Variants in SNTG1 observed in about 807,000 individuals in gnomAD.
SNTG1 encodes syntrophin gamma 1.
Under a neutral mutation model 74.7 loss-of-function variants are expected in SNTG1, and 39 were observed. The observed-to-expected ratio is 0.52, with a 90% CI of 0.40 to 0.68. SNTG1 has a LOEUF of 0.68. Ranked by LOEUF, SNTG1 falls within the 30% of genes least tolerant of loss-of-function variation. The pLI is 0.00. For synonymous variants in SNTG1, 254 were observed against 217.1 expected, an observed-to-expected ratio of 1.17 and a Z score of -1.49; for missense variants, 685 against 609.5, an observed-to-expected ratio of 1.12 and a Z score of -1.30.
At chr8:50,012,185 C>T (rs1815877101) in intron 1 of SNTG1, among the ~76,000 whole-genome samples, 1 of 152,152 alleles carries the variant, frequency 6.6e-6, no homozygotes, top group Non-Finnish European at 1.5e-5. Flanking sequence ...AGCACTTACA[C>T]CACATGAGCA....
chr8:50,559,636 C>T (rs2094475632), intron 12 of SNTG1, among the ~76,000 whole-genome samples: 1 of 152,042 alleles, frequency 6.6e-6, no homozygotes, highest in South Asian at 2.1e-4. Context: ...AAAGGATTCC[C>T]TATTTAATAA....
intron 17 of SNTG1, among the ~76,000 whole-genome samples, chr8:50,709,868 A>C (rs2095456843): frequency 6.6e-6 from 1 of 152,150 alleles, no homozygotes; most frequent in African/African-American, 2.4e-5. Flanking sequence ...CTTCTCACTA[A>C]TTTTAAGGAT....
At position 50,535,957 on chromosome 8, in the gene SNTG1, C is replaced by T. The variant is rs555321996; in HGVS notation, c.550-721C>T. On this transcript the variant is annotated intron_variant, in intron 10 of 18. Coordinates refer to ENST00000642720, the MANE Select transcript of SNTG1 (RefSeq NM_018967.5). ...TGATGAAGAAATTTTAACATTAAAA[C>T]TGAAATAATGAAGGAAACATGAATC... 2.2e-4 allele frequency among the ~76,000 whole-genome samples: 33 copies of T among 152,080 alleles called. No homozygotes were observed. In the South Asian group the frequency reaches 6.8e-3, roughly 32 times the overall value.
chr8:50,114,468 T>TA (rs1460614868), intron 1 of SNTG1, among the ~76,000 whole-genome samples: 3 of 152,098 alleles, frequency 2.0e-5, no homozygotes, highest in Admixed American at 2.0e-4. Flanking sequence ...TGAGAAATTT[T>TA]AAAAAGTCAA....
chr8:49,995,605 C>A (rs1030417047), intron 1 of SNTG1, among the ~76,000 whole-genome samples: 3 of 152,106 alleles, frequency 2.0e-5, no homozygotes, highest in African/African-American at 4.8e-5. Context: ...AGGTGAGGTC[C>A]CCTCACACAC....
At chr8:50,376,756 T>TATATATATATATATATATATAG (rs1381048539) in intron 2 of SNTG1, among the ~76,000 whole-genome samples, 1 of 89,986 alleles carries the variant, frequency 1.1e-5, no homozygotes. Flanking sequence ...TATATATATA[T>TATATATATATATATATATATAG]AGAGAGAGAG....
chr8:50,052,225 C>A (rs771908965), intron 1 of SNTG1, among the ~76,000 whole-genome samples: 1 of 151,950 alleles, frequency 6.6e-6, no homozygotes, highest in African/African-American at 2.4e-5. Flanking sequence ...TAAAGATACA[C>A]ATGTAAATTA....
intron 1 of SNTG1, among the ~76,000 whole-genome samples, chr8:49,947,142 A>G (rs1344904245): frequency 1.3e-5 from 2 of 152,140 alleles, no homozygotes; most frequent in Non-Finnish European, 2.9e-5. Flanking sequence ...TCTACTAAAA[A>G]TACAAAAAAT....
Position 50,414,040 on chromosome 8 carries a change from A to G in SNTG1, c.162+11696A>G, listed in dbSNP as rs145081314. On this transcript the variant is annotated intron_variant, in intron 4 of 18. Coordinates refer to ENST00000642720, the MANE Select transcript of SNTG1 (RefSeq NM_018967.5). ...CCGTATCTGTAATTGCAAGATCTGC[A>G]GTCTGTATAGATCTGACTCTGTTAT... Among the ~76,000 whole-genome samples the G allele has an allele frequency of 2.6e-3, 395 of 152,302 alleles. 1 individual carries two copies. Among genetic ancestry groups the G allele is most frequent in the African/African-American group, 9.1e-3 (379 of 41,564 alleles).
intron 1 of SNTG1, among the ~76,000 whole-genome samples, chr8:49,971,690 C>T (rs1383867068): frequency 1.3e-5 from 2 of 152,082 alleles, no homozygotes; most frequent in Admixed American, 6.5e-5. Context: ...AATCAATGTG[C>T]AAAAATCACA....
Position 50,602,256 on chromosome 8 carries a change from T to G in SNTG1, c.849+11339T>G, listed in dbSNP as rs933722270. Among the ~76,000 whole-genome samples, 13 of 150,166 alleles carry G rather than the reference T, an allele frequency of 8.7e-5. No homozygotes were observed. The East Asian group carries it at 2.5e-3, about 29-fold the overall frequency. On this transcript the variant is annotated intron_variant, in intron 13 of 18. Transcript: ENST00000642720. ...TTTTATCTGGTGGTATGATTTAAAT[T>G]CTTTTTTATATTATTTGTGTATCCA...
At chr8:50,030,355 C>T (rs1817638950) in intron 1 of SNTG1, among the ~76,000 whole-genome samples, 1 of 151,882 alleles carries the variant, frequency 6.6e-6, no homozygotes, top group African/African-American at 2.4e-5. Context: ...TTATGTGATC[C>T]TATTTGTCCA....
intron 13 of SNTG1, among the ~76,000 whole-genome samples, chr8:50,648,102 C>T (rs765726681): frequency 5.3e-5 from 8 of 152,102 alleles, no homozygotes; most frequent in Non-Finnish European, 8.8e-5. Flanking sequence ...GCATAGTAAA[C>T]GGGAAGGTGA....
In SNTG1 at chr8:50,590,921, A is replaced by G. The variant is rs1460183656; in HGVS notation, c.849+4A>G. 3 of 1,559,640 alleles carry G rather than the reference A, an allele frequency of 1.9e-6. No individual in the cohort carries two copies. The highest frequency in any genetic ancestry group is 2.6e-6 in the Non-Finnish European group (3 of 1,148,638). On this transcript the variant is annotated splice_donor_region_variant and intron_variant, in intron 13 of 18. Coordinates refer to ENST00000642720, the MANE Select transcript of SNTG1 (RefSeq NM_018967.5). ...AAACTTTCCTGTAAACCAGCAGGTA[A>G]GATCAAAGCATACTTGGAAAGCTAA...
intron 2 of SNTG1, among the ~76,000 whole-genome samples, chr8:50,250,116 G>C (rs1451644562): frequency 1.3e-5 from 2 of 151,548 alleles, no homozygotes; most frequent in Non-Finnish European, 2.9e-5. Context: ...ATGTAATAAA[G>C]AGATAGATAC....
chr8:49,934,021 C>T (rs1301494688), intron 1 of SNTG1, among the ~76,000 whole-genome samples: 1 of 152,080 alleles, frequency 6.6e-6, no homozygotes, highest in Admixed American at 6.5e-5. Flanking sequence ...AAATTCATAA[C>T]AGAAATTAAA....
intron 4 of SNTG1, among the ~76,000 whole-genome samples, chr8:50,421,605 G>A (rs2093088289): frequency 6.6e-6 from 1 of 152,026 alleles, no homozygotes; most frequent in South Asian, 2.1e-4. Flanking sequence ...TCCTAGTAGT[G>A]CAGCCCAATA....
At chr8:50,415,767 T>C (rs2093006242) in intron 4 of SNTG1, among the ~76,000 whole-genome samples, 3 of 152,128 alleles carry the variant, frequency 2.0e-5, no homozygotes, top group Admixed American at 2.0e-4. Flanking sequence ...GCCACCTTTT[T>C]AAAAAAATTA....
chr8:50,713,115 C>T, intron 17 of SNTG1, among the ~76,000 whole-genome samples: 1 of 152,188 alleles, frequency 6.6e-6, no homozygotes, highest in East Asian at 1.9e-4. Flanking sequence ...ACACTCCCCA[C>T]CAACAGTATA....
Sources: gnomAD v4.1 joint callset for allele counts (sites outside exome capture counted in the v4.1 genomes callset) on GRCh38, gnomAD v4.1.1 for gene constraint, MANE v1.5 for transcripts, NCBI Gene and HGNC (gene_info 2026-07-23, HGNC 2026-07-21) for gene names.